The following ABCC1 variants were observed in gnomAD, a reference collection of about 807,000 sequenced individuals.
The protein encoded by ABCC1 is ATP binding cassette subfamily C member 1 (ABCC1 blood group), also known as multidrug resistance-associated protein 1.
In ABCC1, 83 loss-of-function variants were observed where a neutral mutation model predicts 172.9. The ratio of observed to expected loss-of-function variants is 0.48; its 90% CI spans 0.40 to 0.58. ABCC1 has a LOEUF of 0.58. ABCC1 is among the 20% of genes least tolerant of loss of function. The pLI, the probability that ABCC1 is intolerant of heterozygous loss-of-function variation, is 0.00. For synonymous variants in ABCC1, 937 were observed against 825.2 expected (o/e 1.14, Z -2.32); for missense variants, 1,817 against 2,002.7 (o/e 0.91, Z 1.77).
rs763673832 is a variant in ABCC1 at position 16,016,521 on chromosome 16, A to G, written c.515A>G (p.Asp172Gly). 6.2e-7 allele frequency: 1 copy of G among 1,614,074 alleles called. No homozygotes were observed. The highest frequency in any genetic ancestry group is 1.7e-5 in the Admixed American group (1 of 59,996). ...GATGCCCAGGTGGACCTGTTTCGTG[A>G]CATCACTTTCTACGTCTACTTTTCC... is the stretch of plus-strand genomic sequence containing the variant. ...KEDAQVDLFR[D>G]ITFYVYFSLL... Residue 172 changes from aspartate to glycine, a missense_variant, in exon 5 of 31, where the codon GAC becomes GGC. Physicochemically the swap from Asp to Gly is moderately conservative, Grantham distance 94 (BLOSUM62 -1). This residue lies in a region of ABCC1 where 398 missense variants were observed against 384.2 expected (regional missense o/e 1.04). Coordinates refer to ENST00000399410, the MANE Select transcript of ABCC1 (RefSeq NM_004996.4).
intron 19 of ABCC1, chr16:16,098,863 G>C (rs774330837): frequency 5.5e-5 from 74 of 1,351,980 alleles, no homozygotes; most frequent in Non-Finnish European, 6.9e-5. Context: ...TGGGTCTTCT[G>C]AATTCCCAGG....
chr16:16,054,962 G>A (rs1319414016), intron 11 of ABCC1, among the ~76,000 whole-genome samples: 1 of 152,214 alleles, frequency 6.6e-6, no homozygotes, highest in Non-Finnish European at 1.5e-5. Flanking sequence ...AGGCACAGGG[G>A]CTCATGTCTG....
At chr16:15,981,942 T>C (rs215057) in intron 1 of ABCC1, among the ~76,000 whole-genome samples, 126,278 of 152,158 alleles carry the variant, frequency 0.83, 52,567 homozygotes, top group Non-Finnish European at 0.86. Flanking sequence ...GTTCCACAGC[T>C]CTTTAGGGCA....
At chr16:16,045,681 T>C (rs933801314) in intron 8 of ABCC1, among the ~76,000 whole-genome samples, 155 bp from the exon 9 acceptor site, 3 of 152,170 alleles carry the variant, frequency 2.0e-5, no homozygotes, top group African/African-American at 7.2e-5. Flanking sequence ...CACAGCCAGA[T>C]CACCACTGTG....
intron 22 of ABCC1, among the ~76,000 whole-genome samples, chr16:16,113,869 C>T (rs982564325): frequency 1.3e-5 from 2 of 152,122 alleles, no homozygotes; most frequent in East Asian, 3.8e-4. Flanking sequence ...GTTAGATTAT[C>T]AGAAGAAGCG....
intron 5 of ABCC1, among the ~76,000 whole-genome samples, chr16:16,027,060 G>T (rs2048401372): frequency 6.6e-6 from 1 of 152,132 alleles, no homozygotes; most frequent in Non-Finnish European, 1.5e-5. Context: ...TGTTAAGCTG[G>T]ATATGGGCTG....
rs189123384 is a variant in ABCC1, at chr16:16,077,033, G to A, written c.1988+632G>A. Among the ~76,000 whole-genome samples the A allele has an allele frequency of 9.2e-5, 14 of 152,230 alleles. No individual in the cohort carries two copies. In the East Asian group the frequency reaches 2.7e-3, roughly 29 times the overall value. ...CCCTTTCTTGCCAGCTTTCTATCTG[G>A]CACCCCACACCCTACAGTCCTTACC... On this transcript the variant is annotated intron_variant, in intron 15 of 30. Transcript: ENST00000399410.
intron 11 of ABCC1, 28 bp downstream of exon 11, chr16:16,052,844 A>G (rs761221297): frequency 3.7e-6 from 6 of 1,608,406 alleles, no homozygotes; most frequent in Middle Eastern, 1.7e-4. Context: ...GCGGGCCCCC[A>G]AGCCGGGCCC....
chr16:15,979,803 A>G (rs1749301674), intron 1 of ABCC1, among the ~76,000 whole-genome samples: 1 of 151,988 alleles, frequency 6.6e-6, no homozygotes. Context: ...CACCCTGCTT[A>G]CTTGTTTTTA....
chr16:16,023,938 G>A (rs1209501143), intron 5 of ABCC1, among the ~76,000 whole-genome samples: 2 of 152,178 alleles, frequency 1.3e-5, no homozygotes, highest in Non-Finnish European at 1.5e-5. Context: ...GCTTGGCTAG[G>A]CTGGGTGCAG....
At chr16:16,126,965 C>G (rs2045467436) in intron 26 of ABCC1, among the ~76,000 whole-genome samples, 1 of 152,084 alleles carries the variant, frequency 6.6e-6, no homozygotes. Context: ...GATCCAAGGT[C>G]CCACGTGGCT....
intron 8 of ABCC1, among the ~76,000 whole-genome samples, chr16:16,045,562 T>G (rs1441873144): frequency 6.6e-6 from 1 of 152,102 alleles, no homozygotes; most frequent in Non-Finnish European, 1.5e-5. Flanking sequence ...TTACCTCGTG[T>G]TCCCTATGCA....
At chr16:15,978,271 A>T (rs215050) in intron 1 of ABCC1, among the ~76,000 whole-genome samples, 129,149 of 151,950 alleles carry the variant, frequency 0.85, 55,146 homozygotes, top group African/African-American at 0.91. Context: ...GCAGGTGAGG[A>T]GGGAGGATCT....
intron 19 of ABCC1, among the ~76,000 whole-genome samples, chr16:16,091,515 G>T (rs1025535956): frequency 9.2e-5 from 14 of 152,184 alleles, no homozygotes; most frequent in African/African-American, 3.4e-4. Flanking sequence ...ACTCAGGCAG[G>T]GGATAGGGAA....
At chr16:15,950,383 G>C (rs1264150644) in intron 1 of ABCC1, among the ~76,000 whole-genome samples, 1 of 151,972 alleles carries the variant, frequency 6.6e-6, no homozygotes, top group Non-Finnish European at 1.5e-5. Context: ...AAGTTTGGGG[G>C]AACCAGGGAA....
At chr16:16,082,883 A>G (rs964986447) in intron 16 of ABCC1, among the ~76,000 whole-genome samples, 4 of 152,176 alleles carry the variant, frequency 2.6e-5, no homozygotes, top group African/African-American at 9.7e-5. Flanking sequence ...CCTGACCTCA[A>G]GCAGTCTGCC....
chr16:15,997,186 G>A (rs2047087702), intron 1 of ABCC1, among the ~76,000 whole-genome samples: 1 of 151,792 alleles, frequency 6.6e-6, no homozygotes. Flanking sequence ...CTGCCTCCTG[G>A]GTTCAAGCGA....
intron 5 of ABCC1, among the ~76,000 whole-genome samples, chr16:16,021,792 G>A (rs1448710004): frequency 6.6e-6 from 1 of 152,170 alleles, no homozygotes; most frequent in Non-Finnish European, 1.5e-5. Context: ...TGAGATGGGG[G>A]CAAGGAAGGG....
intron 15 of ABCC1, among the ~76,000 whole-genome samples, chr16:16,078,686 T>C (rs1374629966): frequency 6.6e-6 from 1 of 152,124 alleles, no homozygotes; most frequent in Admixed American, 6.6e-5. Flanking sequence ...TTTGGTTTAT[T>C]TATTTTCTGA....
Sources: allele counts gnomAD v4.1 joint callset (sites outside exome capture counted in the v4.1 genomes callset), GRCh38; gene constraint gnomAD v4.1.1; regional missense constraint gnomAD v4.1.1; transcripts MANE v1.5; gene names NCBI Gene and HGNC (gene_info 2026-07-23, HGNC 2026-07-21).